The following HNF4G variants were observed in gnomAD, a reference collection of about 807,000 sequenced individuals.
HNF4G encodes the protein hepatocyte nuclear factor 4-gamma.
A neutral mutation model predicts 50.9 loss-of-function variants in HNF4G; 21 were observed. That is an observed-to-expected ratio of 0.41 (90% confidence interval 0.29 to 0.59). HNF4G has a LOEUF of 0.59. Ranked by LOEUF, HNF4G falls within the 20% of genes least tolerant of loss-of-function variation. The pLI, the probability that HNF4G is intolerant of heterozygous loss-of-function variation, is 0.26. For synonymous variants in HNF4G, 198 were observed against 185.6 expected (o/e 1.07, Z -0.54); for missense variants, 527 against 559.4 (o/e 0.94, Z 0.58).
At chr8:75,530,092 T>C (rs1806289811) in intron 2 of HNF4G, among the ~76,000 whole-genome samples, 1 of 152,100 alleles carries the variant, frequency 6.6e-6, no homozygotes, top group Admixed American at 6.6e-5. Flanking sequence ...CCAACCAAGA[T>C]ATCTGGACCT....
At chr8:75,458,859 A>G (rs1811783880) in intron 1 of HNF4G, among the ~76,000 whole-genome samples, 1 of 152,170 alleles carries the variant, frequency 6.6e-6, no homozygotes, top group African/African-American at 2.4e-5. Context: ...TTTTCTAATG[A>G]CTTATATTTT....
intron 1 of HNF4G, among the ~76,000 whole-genome samples, chr8:75,460,838 T>C (rs1292106032): frequency 1.3e-5 from 2 of 152,204 alleles, no homozygotes; most frequent in Admixed American, 1.3e-4. Flanking sequence ...AACTAATATG[T>C]TATGAAGAAT....
intron 1 of HNF4G, among the ~76,000 whole-genome samples, chr8:75,427,240 C>T (rs981623967): frequency 6.6e-6 from 1 of 152,084 alleles, no homozygotes; most frequent in African/African-American, 2.4e-5. Flanking sequence ...GAACATCTGA[C>T]AGGCATCCAG....
At chr8:75,461,925 TA>T (rs66591366) in intron 1 of HNF4G, among the ~76,000 whole-genome samples, 110,764 of 145,410 alleles carry the variant, frequency 0.76, 42,654 homozygotes, top group African/African-American at 0.83. Flanking sequence ...TATATATATA[TA>T]TATTTTTTTA....
rs528435796 is a variant in HNF4G, at chr8:75,551,638, A to G, written c.489+144A>G. 490 of 530,344 alleles carry G rather than the reference A, an allele frequency of 9.2e-4. 2 individuals carry two copies. Among genetic ancestry groups the G allele is most frequent in the Non-Finnish European group, 4.1e-4 (123 of 297,294 alleles). The allele number at this position is 530,344 out of a possible 1,614,324, so 32.9% of individuals were successfully genotyped here. ...ACACACAATTAAGAGTTTTACTTTG[A>G]AAGTTTGAGTGGGACTGCTGACTTA... On this transcript the variant is annotated intron_variant, in intron 4 of 9. Transcript: ENST00000396423.
chr8:75,420,154 T>C (rs1037884596), intron 1 of HNF4G, among the ~76,000 whole-genome samples: 6 of 152,174 alleles, frequency 3.9e-5, no homozygotes, highest in Non-Finnish European at 8.8e-5. Flanking sequence ...ATCTAATTCA[T>C]CAGTAAATTA....
chr8:75,517,340 C>T (rs551065128), intron 2 of HNF4G, among the ~76,000 whole-genome samples: 14 of 152,242 alleles, frequency 9.2e-5, no homozygotes, highest in Non-Finnish European at 1.6e-4. Context: ...CCCCCAAAGT[C>T]TTATCTCATT....
intron 1 of HNF4G, among the ~76,000 whole-genome samples, chr8:75,451,896 GCACAC>G (rs1225311426): frequency 2.0e-5 from 3 of 152,144 alleles, no homozygotes; most frequent in African/African-American, 7.2e-5. Context: ...CTAATCACAG[GCACAC>G]CTGTACTCCA....
intron 1 of HNF4G, among the ~76,000 whole-genome samples, chr8:75,431,468 T>C (rs1242865193): frequency 6.6e-6 from 1 of 151,874 alleles, no homozygotes; most frequent in Non-Finnish European, 1.5e-5. Flanking sequence ...ATATAGAAAA[T>C]AGAAGACAGT....
chr8:75,510,096 G>A (rs181464921), intron 2 of HNF4G, among the ~76,000 whole-genome samples: 1 of 152,154 alleles, frequency 6.6e-6, no homozygotes, highest in Non-Finnish European at 1.5e-5. Context: ...GGGGGTGGAA[G>A]GCAGTGATAT....
chr8:75,414,340 T>A (rs942149534), intron 1 of HNF4G, among the ~76,000 whole-genome samples: 1 of 151,892 alleles, frequency 6.6e-6, no homozygotes, highest in Non-Finnish European at 1.5e-5. Context: ...GCATCAGGAG[T>A]TTATTCCTTT....
At chr8:75,504,132 G>A (rs998275701) in intron 2 of HNF4G, among the ~76,000 whole-genome samples, 1 of 151,852 alleles carries the variant, frequency 6.6e-6, no homozygotes, top group African/African-American at 2.4e-5. Context: ...TGAGGCAGGA[G>A]AATCCCTTGG....
At chr8:75,539,840 T>A, upstream of HNF4G, 1 of 608,740 alleles carries the variant, frequency 1.6e-6, no homozygotes, top group South Asian at 2.0e-5. Flanking sequence ...CCATTGCAGC[T>A]CTTAAGTCAC....
chr8:75,437,406 A>AC (rs1050425496), intron 1 of HNF4G, among the ~76,000 whole-genome samples: 12 of 152,224 alleles, frequency 7.9e-5, no homozygotes, highest in African/African-American at 2.7e-4. Context: ...GAATCTTTCT[A>AC]CAATCCCTCT....
At chr8:75,548,834 A>G (rs1244396169) in intron 3 of HNF4G, among the ~76,000 whole-genome samples, 1 of 152,214 alleles carries the variant, frequency 6.6e-6, no homozygotes, top group Non-Finnish European at 1.5e-5. Flanking sequence ...TTGCCATTCA[A>G]TATTTTAAGG....
chr8:75,527,738 T>C (rs1044405122), intron 2 of HNF4G, among the ~76,000 whole-genome samples: 2 of 152,224 alleles, frequency 1.3e-5, no homozygotes, highest in Non-Finnish European at 2.9e-5. Context: ...TTTGATACCA[T>C]AAACAAGTAA....
At chr8:75,540,513 A>G (rs913778101) in intron 1 of HNF4G, among the ~76,000 whole-genome samples, 10 of 152,130 alleles carry the variant, frequency 6.6e-5, no homozygotes, top group African/African-American at 2.2e-4. Flanking sequence ...CCTTTTCCTT[A>G]TAATTCCAGT....
rs1810836510 is a variant in HNF4G at position 75,423,996 on chromosome 8, G to A, written c.-144+15834G>A. ...GCATCACCACACCCAGCTAATTTTT[G>A]TATTTTTAGTAGACACGGGTTTCAC... is the stretch of plus-strand genomic sequence containing the variant. On this transcript the variant is annotated intron_variant, in intron 1 of 10. Coordinates refer to the HNF4G transcript ENST00000354370. 2.7e-5 allele frequency among the ~76,000 whole-genome samples: 4 copies of A among 150,402 alleles called. No individual in the cohort carries two copies. In the South Asian group the frequency reaches 8.4e-4, roughly 32 times the overall value.
At chr8:75,508,303 A>G (rs535232389) in intron 2 of HNF4G, among the ~76,000 whole-genome samples, 9 of 152,106 alleles carry the variant, frequency 5.9e-5, no homozygotes, top group African/African-American at 2.2e-4. Flanking sequence ...CAATTTGCTA[A>G]TCTTATAATA....
Sources: allele counts gnomAD v4.1 joint callset (sites outside exome capture counted in the v4.1 genomes callset), GRCh38; gene constraint gnomAD v4.1.1; transcripts MANE v1.5; gene names NCBI Gene and HGNC (gene_info 2026-07-23, HGNC 2026-07-21).